The following CELF5 variants were observed in gnomAD, a reference collection of about 807,000 sequenced individuals.
CELF5 encodes the protein CUGBP Elav-like family member 5, also known as CUG-BP and ETR-3 like factor 5.
A neutral mutation model predicts 54.9 loss-of-function variants in CELF5; 6 were observed. That is an observed-to-expected ratio of 0.11 (90% CI 0.06 to 0.22). The LOEUF is 0.22. CELF5 is among the 10% of genes least tolerant of loss of function. The pLI, the probability that CELF5 is intolerant of heterozygous loss-of-function variation, is 1.00. For synonymous variants in CELF5, 271 were observed against 290.9 expected, an observed-to-expected ratio of 0.93 and a Z score of 0.70; for missense variants, 401 against 678.6, an observed-to-expected ratio of 0.59 and a Z score of 4.54.
chr19:3,237,374 G>A (rs1246306891), intron 1 of CELF5, among the ~76,000 whole-genome samples: 2 of 148,146 alleles, frequency 1.4e-5, no homozygotes, highest in Non-Finnish European at 3.0e-5. Flanking sequence ...TAGAGCAGCC[G>A]CCTGGGCTGC....
At chr19:3,250,252 G>T (rs936590429) in intron 1 of CELF5, among the ~76,000 whole-genome samples, 6 of 152,210 alleles carry the variant, frequency 3.9e-5, no homozygotes, top group Admixed American at 1.3e-4. Context: ...ACTTCGGGAG[G>T]CCGAGGCGGG....
intron 1 of CELF5, among the ~76,000 whole-genome samples, chr19:3,233,679 G>GAGAGAGGGAGGAGAAGAGGGC (rs1306385353): frequency 2.6e-5 from 4 of 152,196 alleles, no homozygotes; most frequent in African/African-American, 4.8e-5. Context: ...TGAGGAGGGG[G>GAGAGAGGGAGGAGAAGAGGGC]AGAGAGGGAG....
At chr19:3,232,847 G>C (rs1917332465) in intron 1 of CELF5, among the ~76,000 whole-genome samples, 1 of 152,054 alleles carries the variant, frequency 6.6e-6, no homozygotes, top group Non-Finnish European at 1.5e-5. Flanking sequence ...GGCCGAGGTG[G>C]GTGGATCACC....
At chr19:3,251,142 C>A in intron 2 of CELF5, 75 bp downstream of exon 2, 1 of 1,098,416 alleles carries the variant, frequency 9.1e-7, no homozygotes, top group Non-Finnish European at 1.4e-6. Context: ...CAAGGCTCTT[C>A]CTGAGATTGG....
chr19:3,237,201 A>C (rs1432032047), intron 1 of CELF5, among the ~76,000 whole-genome samples: 1 of 147,014 alleles, frequency 6.8e-6, no homozygotes, highest in Admixed American at 7.0e-5. Flanking sequence ...AGTCCCAGCT[A>C]CTCGGGAGGC....
chr19:3,284,728 C>A, intron 8 of CELF5, 174 bp from the exon 9 acceptor site: 2 of 629,248 alleles, frequency 3.2e-6, no homozygotes, highest in Non-Finnish European at 2.9e-6. Flanking sequence ...CTGAGTGGCC[C>A]TGTGCAAGTG....
chr19:3,237,126 C>G (rs1486073785), intron 1 of CELF5, among the ~76,000 whole-genome samples: 1 of 150,794 alleles, frequency 6.6e-6, no homozygotes, highest in African/African-American at 2.4e-5. Flanking sequence ...TCCTGGCTAA[C>G]ACGGTGAAAC....
At chr19:3,253,809 G>T (rs558766083) in intron 2 of CELF5, among the ~76,000 whole-genome samples, 2 of 144,066 alleles carry the variant, frequency 1.4e-5, no homozygotes, top group Admixed American at 1.4e-4. Context: ...CTTGGCATCA[G>T]GTCCTGGGGG....
chr19:3,257,874 A>G (rs1244126931), intron 2 of CELF5, among the ~76,000 whole-genome samples: 1 of 151,518 alleles, frequency 6.6e-6, no homozygotes, highest in Non-Finnish European at 1.5e-5. Context: ...GCTGGAATGC[A>G]GTGGTGCGAT....
At chr19:3,274,919 C>T (rs925624089) in intron 3 of CELF5, among the ~76,000 whole-genome samples, 2 of 151,962 alleles carry the variant, frequency 1.3e-5, no homozygotes, top group African/African-American at 2.4e-5. Flanking sequence ...CTCTCCATCT[C>T]CCTCTGTATC....
chr19:3,293,442 ACTGACCGCG>A lies in CELF5; in HGVS notation c.1456_*6del. ...CGGCCCAAAGACCCGGGACACCCCT[ACTGACCGCG>A]CCCACAGCCGCCCTGAGGCTGTAGG... On this transcript the variant is annotated stop_lost and 3_prime_UTR_variant, in exon 12 of 13. Coordinates refer to ENST00000292672, the MANE Select transcript of CELF5 (RefSeq NM_021938.4). 1 of 1,613,874 alleles carries A rather than the reference ACTGACCGCG, an allele frequency of 6.2e-7. No homozygotes were observed. Among genetic ancestry groups the A allele is most frequent in the Non-Finnish European group, 8.5e-7 (1 of 1,179,870 alleles).
At chr19:3,290,102 GGGTGTCT>G (rs2080318545) in intron 10 of CELF5, 122 bp from the exon 11 acceptor site, 2 of 660,842 alleles carry the variant, frequency 3.0e-6, no homozygotes, top group Non-Finnish European at 2.6e-6. Context: ...CCTTCTTTCT[GGGTGTCT>G]GAGGCACCCC....
chr19:3,291,619 C>T (rs546112986), intron 11 of CELF5, among the ~76,000 whole-genome samples: 28 of 149,374 alleles, frequency 1.9e-4, no homozygotes, highest in African/African-American at 6.4e-4. Flanking sequence ...GAGCACCAGG[C>T]ATGGGAAATC....
intron 3 of CELF5, 82 bp downstream of exon 3, chr19:3,274,005 T>C (rs2080007802): frequency 7.1e-7 from 1 of 1,417,240 alleles, no homozygotes; most frequent in East Asian, 2.3e-5. Context: ...TCCTCTCTCC[T>C]GCAAAAGGGG....
intron 2 of CELF5, among the ~76,000 whole-genome samples, chr19:3,263,775 G>C (rs921298845): frequency 2.7e-5 from 4 of 150,632 alleles, no homozygotes; most frequent in East Asian, 4.0e-4. Context: ...CGTGGTGGTG[G>C]GCACCTGTGA....
chr19:3,284,206 G>T (rs888299460), intron 8 of CELF5, among the ~76,000 whole-genome samples: 9 of 151,940 alleles, frequency 5.9e-5, no homozygotes, highest in African/African-American at 2.2e-4. Flanking sequence ...TGCAGGGGCG[G>T]TTAATTGCCA....
intron 2 of CELF5, among the ~76,000 whole-genome samples, chr19:3,252,791 C>T (rs1414278652): frequency 1.3e-5 from 2 of 151,962 alleles, no homozygotes; most frequent in African/African-American, 2.4e-5. Context: ...TCTGTGGGCT[C>T]GTTGCTCAGC....
At chr19:3,245,168 ATG>A (rs1167370224) in intron 1 of CELF5, among the ~76,000 whole-genome samples, 1 of 122,590 alleles carries the variant, frequency 8.2e-6, no homozygotes, top group Non-Finnish European at 1.7e-5. Context: ...TGTGTTGTGC[ATG>A]TGTCTTTGCG....
In CELF5 at chr19:3,267,309, C is replaced by G. The variant is rs142149537; in HGVS notation, c.343-6563C>G. ...AACCCCCCCGTTTCCGGTTCCCGCA[C>G]AAGTGTGACAGCAGTGTCCATGGGG... On this transcript the variant is annotated intron_variant, in intron 2 of 12. Transcript: ENST00000292672. 4.5e-4 allele frequency among the ~76,000 whole-genome samples: 69 copies of G among 152,098 alleles called. 1 individual carries two copies. Among genetic ancestry groups the G allele is most frequent in the African/African-American group, 1.6e-3 (65 of 41,486 alleles).
Sources: gnomAD v4.1 joint callset for allele counts (sites outside exome capture counted in the v4.1 genomes callset) on GRCh38, gnomAD v4.1.1 for gene constraint, MANE v1.5 for transcripts, NCBI Gene and HGNC (gene_info 2026-07-23, HGNC 2026-07-21) for gene names.